Variants in ADNP observed in about 807,000 individuals in gnomAD.
The protein encoded by ADNP is activity dependent neuroprotector homeobox, also known as activity-dependent neuroprotector homeobox protein.
In ADNP, 4 loss-of-function variants were observed where a neutral mutation model predicts 84.9. The observed-to-expected ratio is 0.05, with a 90% CI of 0.02 to 0.11. The LOEUF is 0.11. ADNP is among the 10% of genes least tolerant of loss of function. The pLI, the probability that ADNP is intolerant of heterozygous loss-of-function variation, is 1.00. For synonymous variants in ADNP, 554 were observed against 468.1 expected, an observed-to-expected ratio of 1.18 and a Z score of -2.37; for missense variants, 1,132 against 1,326.0, an observed-to-expected ratio of 0.85 and a Z score of 2.27.
intron 4 of ADNP, among the ~76,000 whole-genome samples, 181 bp downstream of exon 4, chr20:50,903,708 A>G (rs138787042): frequency 3.1e-4 from 47 of 152,348 alleles, no homozygotes; most frequent in African/African-American, 1.1e-3. Context: ...GGATGCAAAA[A>G]TGAAAAAGCC....
intron 2 of ADNP, among the ~76,000 whole-genome samples, chr20:50,925,542 A>G (rs6091238): frequency 0.51 from 77,710 of 152,098 alleles, 23,746 homozygotes; most frequent in African/African-American, 0.87. Context: ...AAACCATGAA[A>G]TCACAATGGC....
intron 4 of ADNP, 140 bp from the exon 5 acceptor site, chr20:50,902,249 T>C: frequency 3.3e-6 from 2 of 606,774 alleles, no homozygotes; most frequent in Non-Finnish European, 2.9e-6. Context: ...CTAGGAGTGA[T>C]AAGGCTCTTA....
In ADNP at chr20:50,909,363, C is replaced by CAAAAAAAAAAAAAAAAAAAAAA. The variant is rs3069819; in HGVS notation, c.-89-4536_-89-4515dup. ...GTGGGCGACAAGAGTAAAACTGTCT[C>CAAAAAAAAAAAAAAAAAAAAAA]AAAAAAAAAAAAAAAAAAAAAAAAA... On this transcript the variant is annotated intron_variant, in intron 2 of 5. Transcript: ENST00000621696. The CAAAAAAAAAAAAAAAAAAAAAA allele has an allele frequency of 3.6e-4, 16 of 44,354 alleles. 3 individuals are homozygous for CAAAAAAAAAAAAAAAAAAAAAA. The highest frequency in any genetic ancestry group is 4.0e-4 in the Non-Finnish European group (10 of 25,314). 2.7% of individuals were successfully genotyped at this position (44,354 alleles called of 1,614,324 possible).
intron 2 of ADNP, among the ~76,000 whole-genome samples, chr20:50,919,869 G>C (rs762349627): frequency 4.2e-4 from 64 of 152,186 alleles, no homozygotes; most frequent in Non-Finnish European, 7.6e-4. Flanking sequence ...GCAGGGTGAG[G>C]ATAGGATGGG....
rs144628782 is a variant in ADNP, at chr20:50,928,376, T to C, written c.-90+275A>G. On this transcript the variant is annotated intron_variant, in intron 2 of 5. Coordinates refer to ENST00000621696, the MANE Select transcript of ADNP (RefSeq NM_001282531.3). ...TCTAGAGATTGGGTTATCAAAGTAA[T>C]AGTAACTGAATACTTATACTTTATA... 5.3e-5 allele frequency among the ~76,000 whole-genome samples: 8 copies of C among 152,348 alleles called. No individual in the cohort carries two copies. The East Asian group carries it at 7.7e-4, about 15-fold the overall frequency.
intron 1 of ADNP, among the ~76,000 whole-genome samples, chr20:50,929,415 T>C (rs1984501802): frequency 6.6e-6 from 1 of 152,252 alleles, no homozygotes; most frequent in Non-Finnish European, 1.5e-5. Context: ...TTGACTCACT[T>C]AATCCTTCGC....
chr20:50,914,076 C>G (rs899687924), intron 2 of ADNP: 1 of 739,934 alleles, frequency 1.4e-6, no homozygotes, highest in African/African-American at 1.7e-5. Flanking sequence ...CTTCCAAAAA[C>G]AGGCATGAGA....
chr20:50,913,246 G>T (rs2122915567), intron 2 of ADNP, among the ~76,000 whole-genome samples: 1 of 30,384 alleles, frequency 3.3e-5, no homozygotes, highest in South Asian at 2.2e-3. Context: ...GTGAGACTCT[G>T]TCTCAAAAAA....
chr20:50,927,473 C>T (rs914340032), intron 2 of ADNP, among the ~76,000 whole-genome samples: 3 of 152,160 alleles, frequency 2.0e-5, no homozygotes, highest in African/African-American at 7.2e-5. Flanking sequence ...ATTCCCCACA[C>T]TCTAGTTAAT....
rs1211237113 is a variant in ADNP at position 50,889,508 on chromosome 20, A to C, written c.*1897T>G. 1 of 189,372 alleles carries C rather than the reference A, an allele frequency of 5.3e-6. No homozygotes were observed. The highest frequency in any genetic ancestry group is 2.3e-5 in the African/African-American group (1 of 43,082). The allele number at this position is 189,372 out of a possible 1,614,324, so 11.7% of individuals were successfully genotyped here. On this transcript the variant is annotated 3_prime_UTR_variant, in exon 6 of 6. Transcript: ENST00000621696. ...CTTAAAGGTTCTAGTCTACTCTTGC[A>C]CTTCTTCCTGTACTGTTGTTGAGAA...
intron 2 of ADNP, among the ~76,000 whole-genome samples, chr20:50,913,328 A>C (rs576372687): frequency 3.3e-5 from 5 of 150,802 alleles, no homozygotes; most frequent in South Asian, 2.1e-4. Context: ...TTAGGAAGAC[A>C]ATCAGGCTAC....
chr20:50,924,328 G>C (rs904204027), intron 2 of ADNP, among the ~76,000 whole-genome samples: 3 of 152,170 alleles, frequency 2.0e-5, no homozygotes, highest in Non-Finnish European at 4.4e-5. Flanking sequence ...CTCCCTGCTG[G>C]GGGTGTGGCT....
chr20:50,914,813 T>C (rs950056266), intron 2 of ADNP, among the ~76,000 whole-genome samples: 2 of 152,234 alleles, frequency 1.3e-5, no homozygotes, highest in African/African-American at 4.8e-5. Flanking sequence ...TCCTAACTTG[T>C]TTCTCAAGCT....
At chr20:50,899,195 A>C (rs977017492) in intron 5 of ADNP, among the ~76,000 whole-genome samples, 22 of 140,636 alleles carry the variant, frequency 1.6e-4, no homozygotes, top group African/African-American at 5.0e-4. Context: ...TTTGGTAATG[A>C]GGTTTTTTTT....
chr20:50,905,620 G>A (rs1029765442), intron 2 of ADNP: 4 of 152,054 alleles, frequency 2.6e-5, no homozygotes, highest in Non-Finnish European at 5.9e-5. Context: ...TCTATATGAA[G>A]TACCAAAGTC....
chr20:50,922,355 G>A (rs1984009494), intron 2 of ADNP, among the ~76,000 whole-genome samples: 1 of 152,144 alleles, frequency 6.6e-6, no homozygotes, highest in South Asian at 2.1e-4. Context: ...CAGAACTTCT[G>A]ACTGACACTT....
chr20:50,930,773 G>C (rs1984675419), intron 1 of ADNP, 53 bp downstream of exon 1: 1 of 150,094 alleles, frequency 6.7e-6, no homozygotes, highest in Non-Finnish European at 1.5e-5. Flanking sequence ...GCCGGGGTCG[G>C]GAAGCCAGGC....
chr20:50,893,030 T>C lies in ADNP; in HGVS notation c.1684A>G (p.Ile562Val). Reference sequence around the variant, plus strand: ...TTGTATGTAGTTACCAGGAGATGGATGTTAGTGTGACTACCCTGCTGCAAT... The same window carrying C: ...TTGTATGTAGTTACCAGGAGATGGACGTTAGTGTGACTACCCTGCTGCAAT... The part of the protein sequence containing the change: ...LTLQQGSHTN[I>V]HLLVTTYNLR... The change falls in exon 6 of 6, where the codon ATC becomes GTC. Residue 562 changes from isoleucine (I) to valine (V), a missense_variant. By Grantham distance (29) the Ile-to-Val change is conservative. Coordinates refer to ENST00000621696, the MANE Select transcript of ADNP (RefSeq NM_001282531.3). This position sits in a 1 kb window ranked among gnomAD's most constrained non-coding sequence, Gnocchi z 4.4. The C allele has an allele frequency of 6.2e-7, 1 of 1,614,202 alleles. No homozygotes were observed. The highest frequency in any genetic ancestry group is 8.5e-7 in the Non-Finnish European group (1 of 1,180,038).
Position 50,890,044 on chromosome 20 carries a change from T to A in ADNP, c.*1361A>T. 1 of 383,334 alleles carries A rather than the reference T, an allele frequency of 2.6e-6. No individual in the cohort carries two copies. The allele number at this position is 383,334 out of a possible 1,614,324, so 23.7% of individuals were successfully genotyped here. ...CCAATCCATGTTTACATTTTTTTTT[T>A]TATCATTGAGACATTTACATATATA... On this transcript the variant is annotated 3_prime_UTR_variant, in exon 6 of 6. Coordinates refer to ENST00000621696, the MANE Select transcript of ADNP (RefSeq NM_001282531.3).
Sources: allele counts gnomAD v4.1 joint callset (sites outside exome capture counted in the v4.1 genomes callset), GRCh38; gene constraint gnomAD v4.1.1; non-coding constraint Gnocchi (gnomAD v3.1); transcripts MANE v1.5; gene names NCBI Gene and HGNC (gene_info 2026-07-23, HGNC 2026-07-21).